Variants in LONRF1 observed in about 807,000 individuals in gnomAD.
The protein encoded by LONRF1 is LON peptidase N-terminal domain and RING finger protein 1.
A neutral mutation model predicts 85.8 loss-of-function variants in LONRF1; 37 were observed. That is an observed-to-expected ratio of 0.43 (90% CI 0.33 to 0.57). LONRF1 has a LOEUF of 0.57. Among genes scored for constraint, LONRF1 ranks in the 20% least tolerant of loss-of-function variants. LONRF1 has a pLI of 0.04. For synonymous variants in LONRF1, 517 were observed against 390.1 expected (o/e 1.33, Z -3.83); for missense variants, 1,036 against 978.0 (o/e 1.06, Z -0.79).
intron 1 of LONRF1, among the ~76,000 whole-genome samples, chr8:12,745,685 G>A (rs1003399060): frequency 6.6e-6 from 1 of 152,170 alleles, no homozygotes; most frequent in Non-Finnish European, 1.5e-5. Flanking sequence ...CCCAGCAAGT[G>A]CCTGGCATAT....
chr8:12,740,713 A>T (rs1173472814), intron 3 of LONRF1, among the ~76,000 whole-genome samples, 161 bp downstream of exon 3: 3 of 152,188 alleles, frequency 2.0e-5, no homozygotes, highest in Non-Finnish European at 4.4e-5. Context: ...ACTCAATATA[A>T]TACGTACATG....
intron 10 of LONRF1, 146 bp downstream of exon 10, chr8:12,728,755 A>C (rs73202635): frequency 0.099 from 79,954 of 806,616 alleles, 4,803 homozygotes; most frequent in Non-Finnish European, 0.12. Flanking sequence ...AGATACGAAA[A>C]AGGTAACTTG....
intron 1 of LONRF1, among the ~76,000 whole-genome samples, chr8:12,752,320 T>G (rs1002076932): frequency 2.0e-5 from 3 of 152,232 alleles, no homozygotes; most frequent in African/African-American, 7.2e-5. Flanking sequence ...CATTTTGATT[T>G]ACACCCATAA....
chr8:12,754,338 G>T (rs965330119), intron 1 of LONRF1: 1 of 180,050 alleles, frequency 5.6e-6, no homozygotes, highest in Admixed American at 6.3e-5. Context: ...GAAGCGAGCG[G>T]CCGCTCGGGA....
chr8:12,723,294 G>A, intron 11 of LONRF1, 40 bp from the exon 12 acceptor site: 2 of 1,554,924 alleles, frequency 1.3e-6, no homozygotes, highest in South Asian at 1.2e-5. Context: ...ATAAAACAAG[G>A]ATTTATGTAA....
At chr8:12,724,880 A>G (rs1798226955) in intron 11 of LONRF1, among the ~76,000 whole-genome samples, 1 of 152,232 alleles carries the variant, frequency 6.6e-6, no homozygotes, top group South Asian at 2.1e-4. Context: ...GAAGGATTCA[A>G]TTGGGATTCA....
chr8:12,754,926 G>A lies in LONRF1; in HGVS notation c.495C>T (p.Ala165=). The change falls in exon 1 of 12, where the codon GCC becomes GCT. Residue 165 remains alanine, a synonymous_variant. Transcript: ENST00000398246. ...CRLCRDRLPP[A]TASATDAEGT... is the part of the protein sequence containing the mutation. ...CTTCAGCATCAGTGGCACTGGCGGT[G>A]GCGGGCGGCAGCCGGTCCCGGCAGA... 6.7e-6 allele frequency: 10 copies of A among 1,490,432 alleles called. No homozygotes were observed. The highest frequency in any genetic ancestry group is 8.9e-6 in the Non-Finnish European group (10 of 1,124,428). 92.3% of individuals were successfully genotyped at this position (1,490,432 alleles called of 1,614,324 possible).
chr8:12,736,278 A>G lies in LONRF1; in HGVS notation c.1451+423T>C, dbSNP rs1206019420. On this transcript the variant is annotated intron_variant, in intron 6 of 11. Transcript: ENST00000398246. Reference sequence around the variant, plus strand: ...AATCCTTATCCTTATGTTACTTTAAAAAGACTTTATGGTTAATATACATTA... The same window carrying G: ...AATCCTTATCCTTATGTTACTTTAAGAAGACTTTATGGTTAATATACATTA... Among the ~76,000 whole-genome samples the G allele has an allele frequency of 1.3e-5, 2 of 152,324 alleles. 1 individual carries two copies. Among genetic ancestry groups the G allele is most frequent in the Middle Eastern group, 6.8e-3 (2 of 294 alleles).
At chr8:12,742,250 C>T (rs1018881816) in intron 2 of LONRF1, among the ~76,000 whole-genome samples, 6 of 152,224 alleles carry the variant, frequency 3.9e-5, no homozygotes, top group African/African-American at 1.4e-4. Context: ...CTTTTTAGAG[C>T]AGCCTTACTA....
intron 4 of LONRF1, chr8:12,737,461 A>T (rs928642553): frequency 6.6e-6 from 3 of 451,858 alleles, no homozygotes; most frequent in African/African-American, 2.0e-5. Context: ...TTTACATAGT[A>T]TTTACATTGT....
rs755017657 is a variant in LONRF1, at chr8:12,736,941, A to G, written c.1313T>C (p.Ile438Thr). ...RKLSLLEQDV[I>T]VNEDGRNKLK... is the part of the protein sequence containing the mutation. ...CTTATTTCTTCCATCTTCATTTACA[A>G]TCACATCCTGTTCTAAAAGAGACAA... Residue 438 changes from isoleucine (I) to threonine (T), a missense_variant, in exon 5 of 12, where the codon ATT (isoleucine) becomes ACT (threonine). Ile to Thr is a moderately conservative substitution (Grantham distance 89, BLOSUM62 -1). This residue lies in a region of LONRF1 where 742 missense variants were observed against 614.4 expected (regional missense o/e 1.21). Coordinates refer to ENST00000398246, the MANE Select transcript of LONRF1 (RefSeq NM_152271.5). 8.1e-6 allele frequency: 13 copies of G among 1,613,034 alleles called. No individual in the cohort carries two copies. Among genetic ancestry groups the G allele is most frequent in the East Asian group, 6.7e-5 (3 of 44,844 alleles).
chr8:12,747,707 C>T (rs913621241), intron 1 of LONRF1, among the ~76,000 whole-genome samples: 1 of 151,888 alleles, frequency 6.6e-6, no homozygotes, highest in African/African-American at 2.4e-5. Context: ...CAGGTTAAAA[C>T]AGAGAGGGCT....
Position 12,722,928 on chromosome 8 carries a change from C to A in LONRF1, c.*168G>T. ...GTGCAAGTTCTTAGTGGTCTAAATC[C>A]TAGTTGAAGGTATTCATTTGCAGAA... On this transcript the variant is annotated 3_prime_UTR_variant, in exon 12 of 12. Coordinates refer to ENST00000398246, the MANE Select transcript of LONRF1 (RefSeq NM_152271.5). 1 of 597,138 alleles carries A rather than the reference C, an allele frequency of 1.7e-6. No individual in the cohort carries two copies. Among genetic ancestry groups the A allele is most frequent in the Non-Finnish European group, 2.9e-6 (1 of 349,002 alleles). The allele number at this position is 597,138 out of a possible 1,614,324, so 37.0% of individuals were successfully genotyped here.
rs575989518 is a variant in LONRF1, at chr8:12,736,670, A to G, written c.1451+31T>C. ...TATTTTATGTATACTAACATAAAAT[A>G]TTCATCTTCTATAAAGTTTTATATG... On this transcript the variant is annotated intron_variant, in intron 6 of 11. Transcript: ENST00000398246. 3.8e-5 allele frequency: 54 copies of G among 1,413,188 alleles called. 1 individual carries two copies. In the South Asian group the frequency reaches 5.9e-4, roughly 15 times the overall value. The allele number at this position is 1,413,188 out of a possible 1,614,324, so 87.5% of individuals were successfully genotyped here.
At position 12,755,064 on chromosome 8, in the gene LONRF1, C is replaced by T; in HGVS notation, c.357G>A (p.Gly119=). 1.4e-6 allele frequency: 2 copies of T among 1,474,398 alleles called. No individual in the cohort carries two copies. Among genetic ancestry groups the T allele is most frequent in the East Asian group, 2.9e-5 (1 of 33,910 alleles). The allele number at this position is 1,474,398 out of a possible 1,614,324, so 91.3% of individuals were successfully genotyped here. ...CCCGGCAGCCCAGGCATCTGAGGAG[C>T]CCGCCGGCGCCGCCGTCAGCGCCTG... ...PVAGADGGAG[G]LLRCLGCRGF... is the part of the protein sequence containing the mutation. The change falls in exon 1 of 12, where the codon GGG becomes GGA. Residue 119 remains glycine (G), a synonymous_variant. Transcript: ENST00000398246.
At chr8:12,741,911 TC>T (rs60421282) in intron 2 of LONRF1, among the ~76,000 whole-genome samples, 152,319 of 152,320 alleles carry the variant, frequency 1, 76,159 homozygotes, top group Non-Finnish European at 1. Context: ...CAAAATTCAG[TC>T]CTGTGGGTTG....
Position 12,738,028 on chromosome 8 carries a change from C to T in LONRF1, c.1080G>A (p.Glu360=), listed in dbSNP as rs776054830. The part of the protein sequence containing the change: ...RPFDFHSVME[E]SQSLNEPSPK... The stretch of plus-strand genomic sequence containing the variant: ...GGCTAGGTTCATTGAGAGACTGAGA[C>T]TCTTCCATCACTGAATGAAAATCAA... Residue 360 remains glutamate (E), a synonymous_variant, in exon 4 of 12, where the codon GAG becomes GAA. Coordinates refer to ENST00000398246, the MANE Select transcript of LONRF1 (RefSeq NM_152271.5). The T allele has an allele frequency of 2.9e-5, 46 of 1,610,164 alleles. No homozygotes were observed. Among genetic ancestry groups the T allele is most frequent in the Admixed American group, 5.0e-5 (3 of 59,576 alleles).
At chr8:12,734,348 C>G (rs1366836245) in intron 7 of LONRF1, among the ~76,000 whole-genome samples, 1 of 152,130 alleles carries the variant, frequency 6.6e-6, no homozygotes, top group Non-Finnish European at 1.5e-5. Context: ...GTTTTCTATA[C>G]AGGAAATACT....
chr8:12,723,247 G>C lies in LONRF1; in HGVS notation c.2171C>G (p.Pro724Arg), dbSNP rs1028313471. The C allele has an allele frequency of 6.2e-7, 1 of 1,606,866 alleles. No homozygotes were observed. The highest frequency in any genetic ancestry group is 1.3e-5 in the African/African-American group (1 of 74,390). Reference protein sequence around the residue: ...PEREENLQAAPNGPAWCWWLL... With the variant: ...PEREENLQAARNGPAWCWWLL... Reference sequence around the variant, plus strand: ...CCACCAACACCATGCAGGTCCATTAGGGGCTGCCTAAAAACAATGGACAGT... The same window carrying C: ...CCACCAACACCATGCAGGTCCATTACGGGCTGCCTAAAAACAATGGACAGT... Residue 724 changes from proline (P) to arginine (R), a missense_variant, in exon 12 of 12, where the codon CCT becomes CGT. This residue lies in a region of LONRF1 where 265 missense variants were observed against 301.5 expected (regional missense o/e 0.88). Transcript: ENST00000398246.
Sources: gnomAD v4.1 joint callset for allele counts (sites outside exome capture counted in the v4.1 genomes callset) on GRCh38, gnomAD v4.1.1 for gene constraint, gnomAD v4.1.1 regional missense constraint, MANE v1.5 for transcripts, NCBI Gene and HGNC (gene_info 2026-07-23, HGNC 2026-07-21) for gene names.